Variants in ALK observed in about 807,000 individuals in gnomAD.
ALK encodes the protein ALK tyrosine kinase receptor.
A neutral mutation model predicts 163.1 loss-of-function variants in ALK; 74 were observed. The observed-to-expected ratio is 0.45, with a 90% CI of 0.38 to 0.55. ALK has a LOEUF of 0.55. ALK is among the 20% of genes least tolerant of loss of function. The pLI, the probability that ALK is intolerant of heterozygous loss-of-function variation, is 0.00. For synonymous variants in ALK, 960 were observed against 843.2 expected (o/e 1.14, Z -2.40); for missense variants, 2,063 against 2,105.3 (o/e 0.98, Z 0.39).
At chr2:29,572,309 T>C (rs1327385033) in intron 3 of ALK, among the ~76,000 whole-genome samples, 1 of 152,230 alleles carries the variant, frequency 6.6e-6, no homozygotes, top group Non-Finnish European at 1.5e-5. Context: ...ACGTCAGCGT[T>C]GTGGGCCATT....
At chr2:29,380,361 C>T (rs1469968458) in intron 5 of ALK, among the ~76,000 whole-genome samples, 1 of 152,006 alleles carries the variant, frequency 6.6e-6, no homozygotes, top group Non-Finnish European at 1.5e-5. Context: ...GCCTCAGCCT[C>T]CCAAAGTGCT....
chr2:29,754,989 C>T (rs1680473525), intron 1 of ALK, among the ~76,000 whole-genome samples: 1 of 152,084 alleles, frequency 6.6e-6, no homozygotes, highest in South Asian at 2.1e-4. Context: ...TGGAAGACCC[C>T]CACCCCAGAG....
intron 12 of ALK, among the ~76,000 whole-genome samples, chr2:29,248,647 A>C (rs1279518020): frequency 2.6e-5 from 4 of 152,204 alleles, no homozygotes; most frequent in Non-Finnish European, 5.9e-5. Context: ...CCTCAGTCTC[A>C]ATATTTCAAA....
At chr2:29,276,350 G>A (rs1207911022) in intron 9 of ALK, among the ~76,000 whole-genome samples, 1 of 152,176 alleles carries the variant, frequency 6.6e-6, no homozygotes, top group African/African-American at 2.4e-5. Context: ...TCAGACTGTG[G>A]CCAGGGAAGG....
chr2:29,462,341 A>G (rs538935452), intron 4 of ALK, among the ~76,000 whole-genome samples: 1 of 152,314 alleles, frequency 6.6e-6, no homozygotes, highest in South Asian at 2.1e-4. Context: ...ATCAAACAAC[A>G]ACACATGCTA....
chr2:29,846,271 C>T (rs1665841185), intron 1 of ALK, among the ~76,000 whole-genome samples: 1 of 152,178 alleles, frequency 6.6e-6, no homozygotes, highest in African/African-American at 2.4e-5. Flanking sequence ...GACCGCATAG[C>T]CAGTTCACGC....
Position 29,694,973 on chromosome 2 carries a change from A to C in ALK, c.829T>G (p.Ser277Ala). ...SFDFPCELEY[S>A]PPLHDLRNQS... ...TTCCTGAGGTCATGCAGTGGAGGGG[A>C]ATACTCCAGCTCACAGGGGAAGTCA... The change falls in exon 3 of 29, where the codon TCC (serine) becomes GCC (alanine). Residue 277 changes from serine to alanine, a missense_variant. Physicochemically the swap from Ser to Ala is moderately conservative, Grantham distance 99 (BLOSUM62 1). This residue lies in a region of ALK where 987 missense variants were observed against 939.5 expected (regional missense o/e 1.05). Transcript: ENST00000389048. 6.2e-7 allele frequency: 1 copy of C among 1,614,002 alleles called. No homozygotes were observed. Among genetic ancestry groups the C allele is most frequent in the Non-Finnish European group, 8.5e-7 (1 of 1,179,966 alleles).
intron 1 of ALK, among the ~76,000 whole-genome samples, chr2:29,740,245 C>T (rs866473188): frequency 2.0e-5 from 3 of 151,724 alleles, no homozygotes; most frequent in South Asian, 4.2e-4. Flanking sequence ...ATCAGCTTCA[C>T]GAATTAACAA....
At chr2:29,800,842 G>A (rs960416387) in intron 1 of ALK, among the ~76,000 whole-genome samples, 3 of 152,236 alleles carry the variant, frequency 2.0e-5, no homozygotes, top group Non-Finnish European at 4.4e-5. Flanking sequence ...AATTTGGGGA[G>A]CTGAGTAATT....
intron 4 of ALK, among the ~76,000 whole-genome samples, chr2:29,447,114 G>C (rs776779027): frequency 2.0e-5 from 3 of 152,162 alleles, no homozygotes; most frequent in African/African-American, 7.2e-5. Flanking sequence ...CTGGGGCCTC[G>C]TCTCCTGGCA....
intron 4 of ALK, among the ~76,000 whole-genome samples, chr2:29,386,372 G>T (rs1279235642): frequency 6.6e-6 from 1 of 152,162 alleles, no homozygotes; most frequent in Non-Finnish European, 1.5e-5. Flanking sequence ...GGAAAAGGAG[G>T]GCTTTCGGTT....
intron 3 of ALK, among the ~76,000 whole-genome samples, chr2:29,678,018 G>T (rs1014804093): frequency 6.6e-6 from 1 of 151,920 alleles, no homozygotes; most frequent in Non-Finnish European, 1.5e-5. Flanking sequence ...TTGGTAATTT[G>T]TGTGTCTCTA....
At chr2:29,328,622 C>T (rs1282731194) in intron 5 of ALK, 141 bp from the exon 6 acceptor site, 11 of 1,161,844 alleles carry the variant, frequency 9.5e-6, no homozygotes, top group South Asian at 6.5e-5. Flanking sequence ...CTGATTGAGA[C>T]ATCTGCATCT....
chr2:29,917,808 A>T (rs1667874206), intron 1 of ALK, among the ~76,000 whole-genome samples: 1 of 152,244 alleles, frequency 6.6e-6, no homozygotes, highest in South Asian at 2.1e-4. Flanking sequence ...TGATCCTATC[A>T]ATAATCATTT....
At chr2:29,782,957 G>A (rs899076542) in intron 1 of ALK, among the ~76,000 whole-genome samples, 2 of 152,158 alleles carry the variant, frequency 1.3e-5, no homozygotes, top group African/African-American at 2.4e-5. Flanking sequence ...CCATTTTGCT[G>A]TTCATGAACA....
At chr2:29,209,730 T>C in intron 25 of ALK, 56 bp downstream of exon 25, 1 of 1,337,298 alleles carries the variant, frequency 7.5e-7, no homozygotes, top group Non-Finnish European at 1.1e-6. Flanking sequence ...CACCCCATTC[T>C]TGAGGGGCTG....
At chr2:29,258,997 C>G (rs1342191348) in intron 11 of ALK, among the ~76,000 whole-genome samples, 1 of 151,836 alleles carries the variant, frequency 6.6e-6, no homozygotes, top group Non-Finnish European at 1.5e-5. Context: ...AATACACATA[C>G]ATATGTATAT....
intron 1 of ALK, among the ~76,000 whole-genome samples, chr2:29,798,862 G>A (rs1359290376): frequency 6.6e-6 from 1 of 152,194 alleles, no homozygotes; most frequent in Non-Finnish European, 1.5e-5. Context: ...GGAGAAAGAG[G>A]GAAAGAATGG....
At chr2:29,888,567 G>A (rs1667053706) in intron 1 of ALK, among the ~76,000 whole-genome samples, 1 of 152,162 alleles carries the variant, frequency 6.6e-6, no homozygotes, top group Non-Finnish European at 1.5e-5. Context: ...GAACTCAGAG[G>A]CACATGGCAC....
Sources: allele counts gnomAD v4.1 joint callset (sites outside exome capture counted in the v4.1 genomes callset), GRCh38; gene constraint gnomAD v4.1.1; regional missense constraint gnomAD v4.1.1; transcripts MANE v1.5; gene names NCBI Gene and HGNC (gene_info 2026-07-23, HGNC 2026-07-21).